The following FGGY variants were observed in gnomAD, a reference collection of about 807,000 sequenced individuals.
FGGY encodes FGGY carbohydrate kinase domain-containing protein.
FGGY carries 72 observed loss-of-function variants against 71.3 expected under a neutral mutation model. The observed-to-expected ratio is 1.01, with a 90% CI of 0.84 to 1.23. The LOEUF (loss-of-function observed/expected upper bound fraction) is 1.23, where lower values mean the gene tolerates loss of function less well. Ranked by LOEUF, FGGY falls within the 50% of genes most tolerant of loss-of-function variation. The pLI, the probability that FGGY is intolerant of heterozygous loss-of-function variation, is 0.00. For synonymous variants in FGGY, 251 were observed against 250.3 expected, an observed-to-expected ratio of 1.00 and a Z score of -0.02; for missense variants, 668 against 682.3, an observed-to-expected ratio of 0.98 and a Z score of 0.23.
intron 14 of FGGY, among the ~76,000 whole-genome samples, chr1:59,702,328 A>G (rs998025303): frequency 2.0e-5 from 3 of 152,166 alleles, no homozygotes; most frequent in Non-Finnish European, 4.4e-5. Context: ...AATTCTGCCC[A>G]TTATTTCCAT....
chr1:59,703,401 A>G (rs2097726543), intron 14 of FGGY, among the ~76,000 whole-genome samples: 1 of 152,196 alleles, frequency 6.6e-6, no homozygotes, highest in Non-Finnish European at 1.5e-5. Context: ...AGGAAAGTGC[A>G]TCCCAGAACA....
chr1:59,470,318 T>C (rs1204702685), intron 6 of FGGY, among the ~76,000 whole-genome samples: 1 of 152,228 alleles, frequency 6.6e-6, no homozygotes, highest in Non-Finnish European at 1.5e-5. Flanking sequence ...TGTGAGATGG[T>C]ATCTCATTGT....
chr1:59,429,044 T>A (rs2066877850), intron 5 of FGGY, among the ~76,000 whole-genome samples: 1 of 152,208 alleles, frequency 6.6e-6, no homozygotes, highest in South Asian at 2.1e-4. Flanking sequence ...ATATGACAAG[T>A]AGCAGGCCAC....
intron 14 of FGGY, among the ~76,000 whole-genome samples, chr1:59,709,209 C>T (rs149656324): frequency 2.6e-5 from 4 of 152,050 alleles, no homozygotes; most frequent in South Asian, 2.1e-4. Flanking sequence ...CTGGGGAGGC[C>T]GCAGGAAACT....
At chr1:59,411,392 T>C (rs1478812171) in intron 5 of FGGY, among the ~76,000 whole-genome samples, 1 of 152,262 alleles carries the variant, frequency 6.6e-6, no homozygotes, top group Non-Finnish European at 1.5e-5. Context: ...GGCCAATTTG[T>C]TAAGGTTGTG....
At chr1:59,570,847 A>T (rs2095973337) in intron 8 of FGGY, among the ~76,000 whole-genome samples, 1 of 152,208 alleles carries the variant, frequency 6.6e-6, no homozygotes, top group Admixed American at 6.5e-5. Context: ...GCATTCAAAA[A>T]TGTTTGTTCT....
chr1:59,466,370 A>G (rs976589682), intron 6 of FGGY, among the ~76,000 whole-genome samples: 1 of 152,208 alleles, frequency 6.6e-6, no homozygotes, highest in Non-Finnish European at 1.5e-5. Flanking sequence ...TGGATTAAAG[A>G]CTTAAATGTT....
chr1:59,667,876 C>A (rs2097339574), intron 13 of FGGY, among the ~76,000 whole-genome samples: 1 of 152,162 alleles, frequency 6.6e-6, no homozygotes. Context: ...ATCATGGAAA[C>A]ATAGTGGGGC....
At chr1:59,341,753 A>G (rs74085962) in intron 3 of FGGY, among the ~76,000 whole-genome samples, 7,394 of 152,280 alleles carry the variant, frequency 0.049, 403 homozygotes, top group African/African-American at 0.13. Context: ...GCAAGCATTC[A>G]CTAATTACAA....
chr1:59,479,548 C>T (rs1317506162), intron 6 of FGGY, among the ~76,000 whole-genome samples: 2 of 152,116 alleles, frequency 1.3e-5, no homozygotes, highest in Non-Finnish European at 2.9e-5. Flanking sequence ...AATGGTACAG[C>T]TCATGGGAGC....
intron 1 of FGGY, among the ~76,000 whole-genome samples, chr1:59,299,306 T>G (rs1056311780): frequency 6.6e-6 from 1 of 152,128 alleles, no homozygotes; most frequent in Non-Finnish European, 1.5e-5. Context: ...GACAGGAGGC[T>G]GGGGAGGGTG....
chr1:59,359,082 A>G (rs912102925), intron 4 of FGGY, among the ~76,000 whole-genome samples: 15 of 152,246 alleles, frequency 9.9e-5, no homozygotes, highest in African/African-American at 3.6e-4. Context: ...CTGTCTACAG[A>G]TAAGACATCA....
At chr1:59,628,718 A>G (rs997153168) in intron 10 of FGGY, among the ~76,000 whole-genome samples, 2 of 152,194 alleles carry the variant, frequency 1.3e-5, no homozygotes, top group Non-Finnish European at 2.9e-5. Context: ...AAAGTAAGAT[A>G]TTTTTATAGA....
intron 4 of FGGY, among the ~76,000 whole-genome samples, chr1:59,375,040 A>T (rs917191076): frequency 1.7e-4 from 26 of 151,406 alleles, no homozygotes; most frequent in Non-Finnish European, 3.5e-4. Context: ...CATTGTGCAC[A>T]TGTACCCTAA....
chr1:59,522,388 G>C (rs555734088), intron 7 of FGGY, among the ~76,000 whole-genome samples: 58 of 152,260 alleles, frequency 3.8e-4, no homozygotes, highest in African/African-American at 1.3e-3. Flanking sequence ...CCTTCTGGAC[G>C]TTTGTAGATC....
chr1:59,461,953 T>C (rs1004820139), intron 6 of FGGY, among the ~76,000 whole-genome samples: 1 of 151,930 alleles, frequency 6.6e-6, no homozygotes, highest in Non-Finnish European at 1.5e-5. Flanking sequence ...ATTAGGTATA[T>C]CTCCTAATGC....
rs568003935 is a variant in FGGY, at chr1:59,749,277, G to A, written c.1513-8654G>A. Reference sequence around the variant, plus strand: ...ATTCTAGCAAATTATCAAGCCTTGGGGGGTGGAGTTTGTGGAAACCTCCAA... The same window carrying A: ...ATTCTAGCAAATTATCAAGCCTTGGAGGGTGGAGTTTGTGGAAACCTCCAA... On this transcript the variant is annotated intron_variant, in intron 14 of 15. Coordinates refer to ENST00000303721, the MANE Select transcript of FGGY (RefSeq NM_018291.5). 4.6e-5 allele frequency among the ~76,000 whole-genome samples: 7 copies of A among 152,254 alleles called. No homozygotes were observed. The East Asian group carries it at 1.3e-3, about 29-fold the overall frequency.
intron 6 of FGGY, among the ~76,000 whole-genome samples, chr1:59,470,068 A>G (rs1572567109): frequency 1.3e-5 from 2 of 152,118 alleles, no homozygotes; most frequent in Admixed American, 6.6e-5. Context: ...ATACATGTAC[A>G]TGTGTCTTTA....
At chr1:59,612,604 C>G (rs965785353) in intron 9 of FGGY, among the ~76,000 whole-genome samples, 7 of 152,158 alleles carry the variant, frequency 4.6e-5, no homozygotes, top group Non-Finnish European at 1.0e-4. Flanking sequence ...GGCAAAATAA[C>G]CAGCTAACGT....
Sources: gnomAD v4.1 joint callset for allele counts (sites outside exome capture counted in the v4.1 genomes callset) on GRCh38, gnomAD v4.1.1 for gene constraint, MANE v1.5 for transcripts, NCBI Gene and HGNC (gene_info 2026-07-23, HGNC 2026-07-21) for gene names.